The following AHR variants were observed in gnomAD, a reference collection of about 807,000 sequenced individuals.
AHR encodes aryl hydrocarbon receptor, also known as AH-receptor.
Under a neutral mutation model 86.8 loss-of-function variants are expected in AHR, and 40 were observed. The ratio of observed to expected loss-of-function variants is 0.46; its 90% CI spans 0.36 to 0.60. The LOEUF (loss-of-function observed/expected upper bound fraction) is 0.60, where lower values mean the gene tolerates loss of function less well. AHR is among the 20% of genes least tolerant of loss of function. AHR has a pLI of 0.00. For synonymous variants in AHR, 398 were observed against 354.9 expected, an observed-to-expected ratio of 1.12 and a Z score of -1.37; for missense variants, 1,001 against 1,011.6, an observed-to-expected ratio of 0.99 and a Z score of 0.14.
At chr7:17,332,792 G>A (rs1317718200) in intron 6 of AHR, among the ~76,000 whole-genome samples, 2 of 151,766 alleles carry the variant, frequency 1.3e-5, no homozygotes, top group Admixed American at 1.3e-4. Context: ...TAAATTCAGC[G>A]TAGCCTAAGT....
At chr7:17,321,666 T>C (rs1240788686) in intron 2 of AHR, among the ~76,000 whole-genome samples, 1 of 150,906 alleles carries the variant, frequency 6.6e-6, no homozygotes, top group Admixed American at 6.6e-5. Context: ...ACACCTCCAA[T>C]AGTAAGCATC....
intron 4 of AHR, 162 bp from the exon 5 acceptor site, chr7:17,329,790 A>G (rs1257585775): frequency 1.7e-6 from 1 of 573,970 alleles, no homozygotes; most frequent in African/African-American, 1.9e-5. Context: ...AGCTTTTTCT[A>G]CCTTAGGTTC....
At chr7:17,335,494 C>T in intron 8 of AHR, 151 bp from the exon 9 acceptor site, 1 of 604,160 alleles carries the variant, frequency 1.7e-6, no homozygotes. Flanking sequence ...AAACTATTTC[C>T]ATGCCTTTTA....
Position 17,310,018 on chromosome 7 carries a change from T to C in AHR, c.148T>C (p.Leu50=). 6.2e-7 allele frequency: 1 copy of C among 1,614,004 alleles called. No homozygotes were observed. Residue 50 remains leucine (L), a synonymous_variant, in exon 2 of 11, where the codon TTG becomes CTG. Coordinates refer to ENST00000242057, the MANE Select transcript of AHR (RefSeq NM_001621.5). ...RDRLNTELDR[L]ASLLPFPQDV... ...CCGACTTAATACAGAGTTGGACCGT[T>C]TGGCTAGCCTGCTGCCTTTCCCACA...
In AHR at chr7:17,299,134, A is replaced by C; in HGVS notation, c.-131A>C. On this transcript the variant is annotated 5_prime_UTR_variant, in exon 1 of 11. Coordinates refer to ENST00000242057, the MANE Select transcript of AHR (RefSeq NM_001621.5). ...GCGGCGCCCACGCCACTGTCCCGAG[A>C]GGACGCAGGTGGAGCGGGCGCGGCT... The C allele has an allele frequency of 2.0e-6, 2 of 981,370 alleles. No homozygotes were observed. 60.8% of individuals were successfully genotyped at this position (981,370 alleles called of 1,614,324 possible).
At chr7:17,333,215 T>C (rs1354159527) in intron 6 of AHR, among the ~76,000 whole-genome samples, 3 of 152,008 alleles carry the variant, frequency 2.0e-5, no homozygotes, top group Admixed American at 2.0e-4. Flanking sequence ...TTAAATGACA[T>C]GTGAGTGTAT....
At chr7:17,325,898 C>T (rs1782225341) in intron 3 of AHR, among the ~76,000 whole-genome samples, 1 of 152,122 alleles carries the variant, frequency 6.6e-6, no homozygotes, top group East Asian at 1.9e-4. Flanking sequence ...ACCCTCATGA[C>T]ACAAGTTTAC....
chr7:17,340,215 C>T lies in AHR; in HGVS notation c.2390C>T (p.Ala797Val). Residue 797 changes from alanine to valine, a missense_variant, in exon 10 of 11, where the codon GCA becomes GTA. Physicochemically the swap from Ala to Val is moderately conservative, Grantham distance 64 (BLOSUM62 0). Around this residue, in one of 2 missense-constraint regions of AHR, gnomAD observed 607 missense variants for 543.1 expected, o/e 1.12. Coordinates refer to ENST00000242057, the MANE Select transcript of AHR (RefSeq NM_001621.5). ...AATCCAGTACTGCCAGGCCAACAGG[C>T]ATTTTTAAACAAGGTAAGGGTGTTA... ...QYNPVLPGQQAFLNKFQNGVL... is the reference protein window; with the variant it reads ...QYNPVLPGQQVFLNKFQNGVL... 4.4e-6 allele frequency: 7 copies of T among 1,606,956 alleles called. No individual in the cohort carries two copies. Among genetic ancestry groups the T allele is most frequent in the Non-Finnish European group, 6.0e-6 (7 of 1,175,722 alleles).
rs1368396751 is a variant in AHR at position 17,343,814 on chromosome 7, ATTAT to A, written c.*756_*759del. 6.6e-6 allele frequency: 1 copy of A among 152,638 alleles called. No individual in the cohort carries two copies. Among genetic ancestry groups the A allele is most frequent in the African/African-American group, 2.4e-5 (1 of 41,458 alleles). The allele number at this position is 152,638 out of a possible 1,614,324, so 9.5% of individuals were successfully genotyped here. On this transcript the variant is annotated 3_prime_UTR_variant, in exon 11 of 11. Coordinates refer to ENST00000242057, the MANE Select transcript of AHR (RefSeq NM_001621.5). ...AGGGCAAATAATGATCGAAAAAATA[ATTAT>A]TTATTACATAATTTAGTTGTTTCTA... is the stretch of plus-strand genomic sequence containing the variant.
chr7:17,321,028 T>C (rs762291572), intron 2 of AHR, among the ~76,000 whole-genome samples: 3 of 152,132 alleles, frequency 2.0e-5, no homozygotes, highest in Non-Finnish European at 2.9e-5. Flanking sequence ...CTGCTCAGAC[T>C]GAGAGAAAGT....
intron 6 of AHR, among the ~76,000 whole-genome samples, chr7:17,333,653 A>C (rs1212545019): frequency 1.3e-5 from 2 of 151,872 alleles, no homozygotes; most frequent in Admixed American, 1.3e-4. Context: ...GGAAAATGAT[A>C]TAGGTTTTCA....
chr7:17,341,813 C>A (rs1442863467), intron 10 of AHR, among the ~76,000 whole-genome samples: 1 of 151,994 alleles, frequency 6.6e-6, no homozygotes. Context: ...TCTACTGTAG[C>A]CAAAAATTTA....
At chr7:17,330,436 A>C (rs1383664528) in intron 5 of AHR, among the ~76,000 whole-genome samples, 1 of 151,976 alleles carries the variant, frequency 6.6e-6, no homozygotes, top group Non-Finnish European at 1.5e-5. Flanking sequence ...TAGCATATGC[A>C]AGTATAAAAA....
chr7:17,343,303 G>A lies in AHR; in HGVS notation c.*239G>A, dbSNP rs1447180964. 1 of 509,988 alleles carries A rather than the reference G, an allele frequency of 2.0e-6. No individual in the cohort carries two copies. Among genetic ancestry groups the A allele is most frequent in the Non-Finnish European group, 3.4e-6 (1 of 293,358 alleles). The allele number at this position is 509,988 out of a possible 1,614,324, so 31.6% of individuals were successfully genotyped here. The stretch of plus-strand genomic sequence containing the variant: ...AAGGGTGCTGCCACGGAGTGGTGAG[G>A]TACCGTCTACATTTCACATTATTCT... On this transcript the variant is annotated 3_prime_UTR_variant, in exon 11 of 11. Transcript: ENST00000242057.
intron 1 of AHR, among the ~76,000 whole-genome samples, chr7:17,304,851 GTAATGTTT>G (rs1365077677): frequency 2.0e-5 from 3 of 151,916 alleles, no homozygotes; most frequent in Non-Finnish European, 2.9e-5. Flanking sequence ...AATTTTTTTG[GTAATGTTT>G]TAGTGATTCT....
At chr7:17,314,512 A>T (rs1391293620) in intron 2 of AHR, among the ~76,000 whole-genome samples, 2 of 152,004 alleles carry the variant, frequency 1.3e-5, no homozygotes, top group African/African-American at 4.8e-5. Flanking sequence ...CCTTTTGCAG[A>T]TGCTTTAACA....
chr7:17,306,934 C>CA (rs1418962375), intron 1 of AHR, among the ~76,000 whole-genome samples: 1 of 151,998 alleles, frequency 6.6e-6, no homozygotes, highest in Non-Finnish European at 1.5e-5. Flanking sequence ...ATTAAGGATA[C>CA]AAAAATGATT....
In AHR at chr7:17,343,264, A is replaced by G. The variant is rs1213058305; in HGVS notation, c.*200A>G. On this transcript the variant is annotated 3_prime_UTR_variant, in exon 11 of 11. Transcript: ENST00000242057. Reference sequence around the variant, plus strand: ...AAATGGTATCAAAATTACATATACTACAGTCAAGATAGAAAGGGTGCTGCC... The same window carrying G: ...AAATGGTATCAAAATTACATATACTGCAGTCAAGATAGAAAGGGTGCTGCC... The G allele has an allele frequency of 3.2e-6, 2 of 619,408 alleles. No homozygotes were observed. The highest frequency in any genetic ancestry group is 5.5e-6 in the Non-Finnish European group (2 of 361,280). 38.4% of individuals were successfully genotyped at this position (619,408 alleles called of 1,614,324 possible).
chr7:17,318,332 A>G (rs753103242), intron 2 of AHR, among the ~76,000 whole-genome samples: 12 of 152,118 alleles, frequency 7.9e-5, no homozygotes, highest in Non-Finnish European at 1.6e-4. Context: ...ATTAGGAAAC[A>G]TGGATATGGT....
Sources: gnomAD v4.1 joint callset for allele counts (sites outside exome capture counted in the v4.1 genomes callset) on GRCh38, gnomAD v4.1.1 for gene constraint, gnomAD v4.1.1 regional missense constraint, MANE v1.5 for transcripts, NCBI Gene and HGNC (gene_info 2026-07-23, HGNC 2026-07-21) for gene names.